Variants in ZNF778 observed in about 807,000 individuals in gnomAD.
ZNF778 encodes zinc finger protein 778.
A neutral mutation model predicts 23.9 loss-of-function variants in ZNF778; 37 were observed. The observed-to-expected ratio is 1.54, with a 90% CI of 1.19 to 2.03. ZNF778 has a LOEUF of 2.03. Ranked by LOEUF, ZNF778 falls within the 30% of genes most tolerant of loss-of-function variation. The probability of loss-of-function intolerance (pLI) is 0.00; values close to 1 mark genes in which losing one functional copy is unlikely to be tolerated. For synonymous variants in ZNF778, 483 were observed against 343.9 expected (o/e 1.40, Z -4.48); for missense variants, 1,297 against 934.4 (o/e 1.39, Z -5.06).
intron 2 of ZNF778, among the ~76,000 whole-genome samples, 169 bp from the exon 3 acceptor site, chr16:89,221,923 G>C (rs1274886688): frequency 6.6e-6 from 1 of 151,926 alleles, no homozygotes; most frequent in African/African-American, 2.4e-5. Context: ...TGAGTGTGCA[G>C]GTGTATGTGG....
rs774146923 is a variant in ZNF778, at chr16:89,226,814, A to C, written c.526A>C (p.Asn176His). ...AAATACAGGAGACAGTTGTGTGTCT[A>C]ATCATTATGAAAGGGACTTTTTTAT... ...TQNTGDSCVS[N>H]HYERDFFIPC... Residue 176 changes from asparagine to histidine, a missense_variant, in exon 7 of 7, where the codon AAT (asparagine) becomes CAT (histidine). Asn to His is a moderately conservative substitution (Grantham distance 68). Transcript: ENST00000433976. The C allele has an allele frequency of 1.2e-6, 2 of 1,613,900 alleles. No homozygotes were observed. Among genetic ancestry groups the C allele is most frequent in the African/African-American group, 1.3e-5 (1 of 74,924 alleles).
chr16:89,221,583 CTG>C (rs35503385), intron 2 of ZNF778, among the ~76,000 whole-genome samples: 37,791 of 141,148 alleles, frequency 0.27, 5,571 homozygotes, highest in African/African-American at 0.39. Context: ...CACTGTATGG[CTG>C]TGTGTGTGTG....
At chr16:89,221,967 G>A (rs777427204) in intron 2 of ZNF778, 125 bp from the exon 3 acceptor site, 16 of 596,514 alleles carry the variant, frequency 2.7e-5, no homozygotes, top group Middle Eastern at 2.7e-4. Flanking sequence ...GTGTGTGTGC[G>A]TTTTCCTGAG....
chr16:89,229,989 T>A lies in ZNF778; in HGVS notation c.*1427T>A, dbSNP rs2031827851. 1 of 980,712 alleles carries A rather than the reference T, an allele frequency of 1.0e-6. No homozygotes were observed. The highest frequency in any genetic ancestry group is 1.2e-6 in the Non-Finnish European group (1 of 827,146). 60.8% of individuals were successfully genotyped at this position (980,712 alleles called of 1,614,324 possible). Reference sequence around the variant, plus strand: ...GTTAGTCTTGAGGATCCAGATGTGATCCTGTGTGAGCAGTGTAGGCTCTGG... The same window carrying A: ...GTTAGTCTTGAGGATCCAGATGTGAACCTGTGTGAGCAGTGTAGGCTCTGG... On this transcript the variant is annotated 3_prime_UTR_variant, in exon 7 of 7. Coordinates refer to ENST00000433976, the MANE Select transcript of ZNF778 (RefSeq NM_001201407.2).
rs1210290260 is a variant in ZNF778 at position 89,217,755 on chromosome 16, T to A, written c.-287T>A. The A allele has an allele frequency of 6.6e-6, 1 of 151,872 alleles. No homozygotes were observed. Among genetic ancestry groups the A allele is most frequent in the Admixed American group, 6.5e-5 (1 of 15,270 alleles). 9.4% of individuals were successfully genotyped at this position (151,872 alleles called of 1,614,324 possible). A position where few individuals can be genotyped will look rare whatever the true frequency, so the allele number is the denominator to read the frequency against. On this transcript the variant is annotated 5_prime_UTR_variant, in exon 1 of 7. Transcript: ENST00000433976. ...GGCGGTGCGTGCTGGCGCCGGAGAG[T>A]TCCGCGCGTGTCCTCGGGCTGTCCG...
Position 89,236,640 on chromosome 16 carries a change from A to G in ZNF778, c.*8078A>G, listed in dbSNP as rs1269418346. 6.6e-6 allele frequency: 1 copy of G among 152,230 alleles called. No homozygotes were observed. The highest frequency in any genetic ancestry group is 2.4e-5 in the African/African-American group (1 of 41,454). 9.4% of individuals were successfully genotyped at this position (152,230 alleles called of 1,614,324 possible). On this transcript the variant is annotated 3_prime_UTR_variant, in exon 7 of 7. Transcript: ENST00000433976. ...TCACATGGGGTTTCAACTGATGTAT[A>G]TTTAATACATAAGACAACTACAACA...
rs760873642 is a variant in ZNF778, at chr16:89,228,182, C to G, written c.1894C>G (p.Leu632Val). 1.9e-6 allele frequency: 3 copies of G among 1,613,446 alleles called. No homozygotes were observed. The East Asian group carries it at 6.7e-5, about 36-fold the overall frequency. The change falls in exon 7 of 7, where the codon CTT (leucine) becomes GTT (valine). Residue 632 changes from leucine to valine, a missense_variant. By Grantham distance (32) the Leu-to-Val change is conservative. Transcript: ENST00000433976. ...CGKAFTTSSH[L>V]IVHIRTHTGE... ...AAAGGCCTTCACCACATCCTCACAC[C>G]TTATCGTGCACATAAGAACCCACAC...
chr16:89,220,851 C>T, intron 1 of ZNF778, 146 bp from the exon 2 acceptor site: 1 of 444,530 alleles, frequency 2.2e-6, no homozygotes, highest in Non-Finnish European at 4.2e-6. Context: ...GACCCATATA[C>T]TGCTCTTCAG....
chr16:89,220,549 T>G (rs2030829596), intron 1 of ZNF778, among the ~76,000 whole-genome samples: 1 of 152,136 alleles, frequency 6.6e-6, no homozygotes, highest in Admixed American at 6.5e-5. Flanking sequence ...TCTCAGCTAC[T>G]TGGTAGGCTG....
intron 3 of ZNF778, among the ~76,000 whole-genome samples, chr16:89,222,458 G>C (rs1301531243): frequency 1.3e-5 from 2 of 152,164 alleles, no homozygotes; most frequent in East Asian, 3.9e-4. Context: ...CCGCCTCCCA[G>C]GTTCAAGCAA....
Position 89,233,922 on chromosome 16 carries a change from C to T in ZNF778, c.*5360C>T, listed in dbSNP as rs548430471. ...CAGCCCAGGATGAGGCACTAGACAGCAGGACATGCTGTATGCCCTTGGGCC... is the reference window on the plus strand; with the variant it reads ...CAGCCCAGGATGAGGCACTAGACAGTAGGACATGCTGTATGCCCTTGGGCC... On this transcript the variant is annotated 3_prime_UTR_variant, in exon 7 of 7. Coordinates refer to ENST00000433976, the MANE Select transcript of ZNF778 (RefSeq NM_001201407.2). The T allele has an allele frequency of 7.5e-5, 97 of 1,288,962 alleles. 1 individual carries two copies. In the South Asian group the frequency reaches 1.1e-3, roughly 15 times the overall value. 79.8% of individuals were successfully genotyped at this position (1,288,962 alleles called of 1,614,324 possible).
rs1180178657 is a variant in ZNF778, at chr16:89,235,782, T to G, written c.*7220T>G. ...GTAAAACCACTTGAAAAAATAATGA[T>G]GAAACATTTCTCATATTTGGTGTAA... On this transcript the variant is annotated 3_prime_UTR_variant, in exon 7 of 7. Coordinates refer to ENST00000433976, the MANE Select transcript of ZNF778 (RefSeq NM_001201407.2). 1 of 152,094 alleles carries G rather than the reference T, an allele frequency of 6.6e-6. No individual in the cohort carries two copies. The highest frequency in any genetic ancestry group is 1.5e-5 in the Non-Finnish European group (1 of 68,020). The allele number at this position is 152,094 out of a possible 1,614,324, so 9.4% of individuals were successfully genotyped here.
At position 89,227,956 on chromosome 16, in the gene ZNF778, AGAG is replaced by A. The variant is rs1290422990; in HGVS notation, c.1672_1674del (p.Glu558del). ...TGAATGAGCATGTGAAAACTCACAC[AGAG>A]GAGAAGCCCTTTATATGTACGGTAT... On this transcript the variant is annotated inframe_deletion, in exon 7 of 7. Coordinates refer to ENST00000433976, the MANE Select transcript of ZNF778 (RefSeq NM_001201407.2). 4.4e-6 allele frequency: 7 copies of A among 1,589,676 alleles called. No individual in the cohort carries two copies. In the Admixed American group the frequency reaches 1.0e-4, roughly 24 times the overall value.
Position 89,228,835 on chromosome 16 carries a change from A to G in ZNF778, c.*273A>G, listed in dbSNP as rs2031738480. On this transcript the variant is annotated 3_prime_UTR_variant, in exon 7 of 7. Coordinates refer to ENST00000433976, the MANE Select transcript of ZNF778 (RefSeq NM_001201407.2). Reference sequence around the variant, plus strand: ...CAGCAGCATTGTTGCTGTTCTGCTCAGTACTTTGATGATCCCTTGTGATCT... The same window carrying G: ...CAGCAGCATTGTTGCTGTTCTGCTCGGTACTTTGATGATCCCTTGTGATCT... 3 of 1,151,882 alleles carry G rather than the reference A, an allele frequency of 2.6e-6. No individual in the cohort carries two copies. Among genetic ancestry groups the G allele is most frequent in the Middle Eastern group, 3.6e-4 (1 of 2,772 alleles). 71.4% of individuals were successfully genotyped at this position (1,151,882 alleles called of 1,614,324 possible). A position where few individuals can be genotyped will look rare whatever the true frequency, so the allele number is the denominator to read the frequency against.
Position 89,228,039 on chromosome 16 carries a change from C to T in ZNF778, c.1751C>T (p.Thr584Ile). 1 of 1,589,454 alleles carries T rather than the reference C, an allele frequency of 6.3e-7. No individual in the cohort carries two copies. The highest frequency in any genetic ancestry group is 8.6e-7 in the Non-Finnish European group (1 of 1,164,794). ...SCLNKHIQIH[T>I]GIKPYECKDC... ...CTGAATAAGCACATTCAGATTCACA[C>T]TGGAATAAAACCTTATGAATGTAAG... Residue 584 changes from threonine to isoleucine, a missense_variant, in exon 7 of 7, where the codon ACT becomes ATT. Physicochemically the swap from Thr to Ile is moderately conservative, Grantham distance 89. Coordinates refer to ENST00000433976, the MANE Select transcript of ZNF778 (RefSeq NM_001201407.2).
chr16:89,235,355 G>T lies in ZNF778; in HGVS notation c.*6793G>T, dbSNP rs1274263781. ...AAAGTTTAGTTTTTCCCATTCGCTTGCCCTGGCCTCCAGGCAGTCCTGCAG... is the reference window on the plus strand; with the variant it reads ...AAAGTTTAGTTTTTCCCATTCGCTTTCCCTGGCCTCCAGGCAGTCCTGCAG... On this transcript the variant is annotated 3_prime_UTR_variant, in exon 7 of 7. Transcript: ENST00000433976. 6.6e-6 allele frequency: 1 copy of T among 152,156 alleles called. No homozygotes were observed. 9.4% of individuals were successfully genotyped at this position (152,156 alleles called of 1,614,324 possible).
chr16:89,226,876 G>C lies in ZNF778; in HGVS notation c.588G>C (p.Gln196His). Residue 196 changes from glutamine to histidine, a missense_variant, in exon 7 of 7, where the codon CAG (glutamine) becomes CAC (histidine). Physicochemically the swap from Gln to His is conservative, Grantham distance 24. Transcript: ENST00000433976. The part of the protein sequence containing the change: ...CQKTLFKIGE[Q>H]FSVLGQCGKA... Reference sequence around the variant, plus strand: ...AAACCTTGTTCAAAATTGGAGAGCAGTTTTCCGTGTTGGGTCAGTGTGGAA... The same window carrying C: ...AAACCTTGTTCAAAATTGGAGAGCACTTTTCCGTGTTGGGTCAGTGTGGAA... 3 of 1,614,048 alleles carry C rather than the reference G, an allele frequency of 1.9e-6. No homozygotes were observed. Among genetic ancestry groups the C allele is most frequent in the Non-Finnish European group, 2.5e-6 (3 of 1,179,902 alleles).
At chr16:89,224,241 C>G (rs372866397) in intron 4 of ZNF778, among the ~76,000 whole-genome samples, 1 of 151,870 alleles carries the variant, frequency 6.6e-6, no homozygotes, top group South Asian at 2.1e-4. Context: ...AATCCCAGCA[C>G]TCTGGGATGC....
In ZNF778 at chr16:89,230,584, C is replaced by G. The variant is rs993334678; in HGVS notation, c.*2022C>G. On this transcript the variant is annotated 3_prime_UTR_variant, in exon 7 of 7. Transcript: ENST00000433976. ...AAACAGACCAGGGACACGGCTGGTC[C>G]TGATGTTCTGTGGCGCTTGGCCCTG... 6.6e-6 allele frequency: 1 copy of G among 152,262 alleles called. No homozygotes were observed. The highest frequency in any genetic ancestry group is 1.5e-5 in the Non-Finnish European group (1 of 68,090). The allele number at this position is 152,262 out of a possible 1,614,324, so 9.4% of individuals were successfully genotyped here.
Sources: gnomAD v4.1 joint callset for allele counts (sites outside exome capture counted in the v4.1 genomes callset) on GRCh38, gnomAD v4.1.1 for gene constraint, MANE v1.5 for transcripts, NCBI Gene and HGNC (gene_info 2026-07-23, HGNC 2026-07-21) for gene names.